TNS3: variants seen among roughly 807,000 people sequenced by gnomAD.
TNS3 encodes the protein tensin 3.
A neutral mutation model predicts 140.9 loss-of-function variants in TNS3; 45 were observed. That is an observed-to-expected ratio of 0.32 (90% CI 0.25 to 0.41). The LOEUF is 0.41. Among genes scored for constraint, TNS3 ranks in the 10% least tolerant of loss-of-function variants. The probability of loss-of-function intolerance (pLI) is 1.00; values close to 1 mark genes in which losing one functional copy is unlikely to be tolerated. For synonymous variants in TNS3, 815 were observed against 788.4 expected (o/e 1.03, Z -0.56); for missense variants, 1,716 against 1,906.7 (o/e 0.90, Z 1.86).
intron 1 of TNS3, among the ~76,000 whole-genome samples, chr7:47,540,228 A>C (rs1727231287): frequency 6.6e-6 from 1 of 152,098 alleles, no homozygotes; most frequent in Non-Finnish European, 1.5e-5. Flanking sequence ...TCTTCCCAGG[A>C]ACAAAACAAG....
At chr7:47,292,141 T>G (rs1330535954) in intron 26 of TNS3, 109 bp from the exon 27 acceptor site, 9 of 1,097,774 alleles carry the variant, frequency 8.2e-6, no homozygotes, top group Non-Finnish European at 1.2e-5. Flanking sequence ...TGACATGCAA[T>G]GGTTTTGCAG....
chr7:47,337,414 AT>A (rs1037396354), intron 20 of TNS3, among the ~76,000 whole-genome samples: 3 of 152,228 alleles, frequency 2.0e-5, no homozygotes, highest in African/African-American at 7.2e-5. Flanking sequence ...CTGCAGAGGA[AT>A]TTTATGGAGA....
chr7:47,398,834 T>A (rs1040760955), intron 15 of TNS3, among the ~76,000 whole-genome samples: 2 of 151,924 alleles, frequency 1.3e-5, no homozygotes, highest in Admixed American at 6.6e-5. Context: ...AGCAATCAGC[T>A]AAGAGAAAGA....
intron 17 of TNS3, among the ~76,000 whole-genome samples, chr7:47,350,206 G>A (rs888761179): frequency 5.3e-5 from 8 of 152,228 alleles, no homozygotes; most frequent in African/African-American, 1.9e-4. Context: ...TGTGGTGACA[G>A]AGGGGCCCCT....
chr7:47,493,543 G>A (rs1797889532), intron 3 of TNS3, among the ~76,000 whole-genome samples: 1 of 152,050 alleles, frequency 6.6e-6, no homozygotes, highest in Non-Finnish European at 1.5e-5. Context: ...AAGAGGCCGG[G>A]CGCGGTGGCT....
intron 3 of TNS3, among the ~76,000 whole-genome samples, chr7:47,505,137 G>T (rs796644897): frequency 6.6e-6 from 1 of 152,094 alleles, no homozygotes; most frequent in Non-Finnish European, 1.5e-5. Flanking sequence ...CTCCTACTCC[G>T]CAGCCGACCC....
At chr7:47,436,782 T>G (rs1246165833) in intron 7 of TNS3, among the ~76,000 whole-genome samples, 1 of 152,142 alleles carries the variant, frequency 6.6e-6, no homozygotes, top group African/African-American at 2.4e-5. Context: ...ATACATATAT[T>G]TGTTATAGAT....
chr7:47,461,412 C>A (rs1466521917), intron 4 of TNS3, among the ~76,000 whole-genome samples: 1 of 152,204 alleles, frequency 6.6e-6, no homozygotes, highest in Non-Finnish European at 1.5e-5. Flanking sequence ...TGGCTGGGCT[C>A]CACAATGGAG....
At chr7:47,569,714 C>T (rs1024219772) in intron 1 of TNS3, among the ~76,000 whole-genome samples, 2 of 148,034 alleles carry the variant, frequency 1.4e-5, no homozygotes, top group Non-Finnish European at 3.0e-5. Flanking sequence ...ATTAGCTGGG[C>T]GTGGTGATGG....
At chr7:47,414,985 C>T (rs1398990240) in intron 11 of TNS3, 109 bp downstream of exon 11, 1 of 778,164 alleles carries the variant, frequency 1.3e-6, no homozygotes. Context: ...GGAGCAGATC[C>T]TGGGCCCTCT....
At chr7:47,362,781 AAGCATCATCACCACCATC>A (rs143941587) in intron 17 of TNS3, among the ~76,000 whole-genome samples, 73,850 of 134,342 alleles carry the variant, frequency 0.55, 20,591 homozygotes, top group Non-Finnish European at 0.67. Flanking sequence ...ACTATCACCA[AAGCATCATCACCACCATC>A]AGCATCATCA....
chr7:47,369,292 T>C lies in TNS3; in HGVS notation c.1354A>G (p.Ser452Gly), dbSNP rs771267490. ...KEMTDARSKY[S>G]GTRHVVPAQV... ...GCTGGCACCACGTGGCGGGTCCCAC[T>C]GTACTTGCTTCGAGCATCAGTCATT... Residue 452 changes from serine to glycine, a missense_variant, in exon 17 of 31, where the codon AGT (serine) becomes GGT (glycine). Around this residue, in one of 3 missense-constraint regions of TNS3, gnomAD observed 1,163 missense variants for 1,182.1 expected, o/e 0.98. Transcript: ENST00000311160. 1 of 1,614,200 alleles carries C rather than the reference T, an allele frequency of 6.2e-7. No individual in the cohort carries two copies. Among genetic ancestry groups the C allele is most frequent in the South Asian group, 1.1e-5 (1 of 91,076 alleles).
intron 17 of TNS3, among the ~76,000 whole-genome samples, chr7:47,348,588 G>A (rs760119690): frequency 7.2e-5 from 11 of 152,286 alleles, no homozygotes; most frequent in South Asian, 2.1e-4. Context: ...GCAAATCACC[G>A]ATTTGAGCAT....
intron 20 of TNS3, among the ~76,000 whole-genome samples, chr7:47,340,086 C>T (rs1788880618): frequency 3.1e-5 from 2 of 63,852 alleles, no homozygotes; most frequent in African/African-American, 5.6e-5. Context: ...TGTGTGTGTG[C>T]ATATACATAT....
intron 1 of TNS3, among the ~76,000 whole-genome samples, chr7:47,538,161 A>G (rs1219530115): frequency 2.6e-5 from 4 of 152,216 alleles, no homozygotes; most frequent in African/African-American, 9.6e-5. Flanking sequence ...TAGAAACGCC[A>G]GGAGGAGAGG....
At chr7:47,389,074 A>AGAG (rs1209397333) in intron 16 of TNS3, among the ~76,000 whole-genome samples, 23 of 64,546 alleles carry the variant, frequency 3.6e-4, no homozygotes, top group African/African-American at 8.9e-4. Flanking sequence ...AAGAAGAAGA[A>AGAG]GAAGAAGAAG....
In TNS3 at chr7:47,452,941, G is replaced by A. The variant is rs1378367656; in HGVS notation, c.-75-10886C>T. ...GGGAGTTGGGAACTTACTGTGCTGG[G>A]CCTGGGCAGGGACCACCGGCCAGGG... On this transcript the variant is annotated intron_variant, in intron 4 of 30. Coordinates refer to ENST00000311160, the MANE Select transcript of TNS3 (RefSeq NM_022748.12). 4 of 985,360 alleles carry A rather than the reference G, an allele frequency of 4.1e-6. No homozygotes were observed. In the African/African-American group the frequency reaches 7.0e-5, roughly 17 times the overall value. 61.0% of individuals were successfully genotyped at this position (985,360 alleles called of 1,614,324 possible).
At chr7:47,456,198 A>C (rs1242292327) in intron 4 of TNS3, among the ~76,000 whole-genome samples, 2 of 152,138 alleles carry the variant, frequency 1.3e-5, no homozygotes, top group Admixed American at 6.5e-5. Flanking sequence ...GCTGACCTGG[A>C]CCTCATCTGT....
intron 17 of TNS3, among the ~76,000 whole-genome samples, chr7:47,355,251 G>T (rs753474051): frequency 6.6e-6 from 1 of 152,226 alleles, no homozygotes; most frequent in East Asian, 1.9e-4. Context: ...GCAGGAGGAC[G>T]CTCAGTCATT....
Sources: allele counts gnomAD v4.1 joint callset (sites outside exome capture counted in the v4.1 genomes callset), GRCh38; gene constraint gnomAD v4.1.1; regional missense constraint gnomAD v4.1.1; transcripts MANE v1.5; gene names NCBI Gene and HGNC (gene_info 2026-07-23, HGNC 2026-07-21).